Variants in RASA2 observed in about 807,000 individuals in gnomAD.
The protein encoded by RASA2 is RAS p21 protein activator 2.
Under a neutral mutation model 118.2 loss-of-function variants are expected in RASA2, and 155 were observed. That is an observed-to-expected ratio of 1.31 (90% CI 1.15 to 1.50). The LOEUF is 1.50. RASA2 is among the 40% of genes most tolerant of loss of function. The pLI, the probability that RASA2 is intolerant of heterozygous loss-of-function variation, is 0.00. For missense variants in RASA2, 1,016 were observed against 1,009.6 expected, an observed-to-expected ratio of 1.01 and a Z score of -0.09; for synonymous variants, 353 against 349.1, an observed-to-expected ratio of 1.01 and a Z score of -0.12.
chr3:141,597,978 C>G (rs1000376730), intron 19 of RASA2, among the ~76,000 whole-genome samples: 3 of 152,090 alleles, frequency 2.0e-5, no homozygotes, highest in African/African-American at 7.2e-5. Flanking sequence ...GGACAAATTT[C>G]TTGGAAAACA....
At chr3:141,522,245 C>T (rs2082121812) in intron 3 of RASA2, among the ~76,000 whole-genome samples, 1 of 152,064 alleles carries the variant, frequency 6.6e-6, no homozygotes, top group Non-Finnish European at 1.5e-5. Context: ...AATCAGGATC[C>T]AGATTCTAAC....
chr3:141,551,867 A>G (rs934829878), intron 5 of RASA2, among the ~76,000 whole-genome samples: 2 of 152,236 alleles, frequency 1.3e-5, no homozygotes, highest in African/African-American at 2.4e-5. Flanking sequence ...TATGTCACAT[A>G]TAAATAAAAT....
At chr3:141,536,256 G>C (rs2082323698) in intron 4 of RASA2, among the ~76,000 whole-genome samples, 2 of 152,166 alleles carry the variant, frequency 1.3e-5, no homozygotes, top group Non-Finnish European at 2.9e-5. Context: ...AAAAGAAAAT[G>C]AGAGAGAAGC....
intron 23 of RASA2, among the ~76,000 whole-genome samples, chr3:141,610,381 TA>T (rs1283048990): frequency 5.9e-5 from 6 of 102,458 alleles, no homozygotes; most frequent in Middle Eastern, 4.8e-3. Context: ...TATATTTATA[TA>T]TTATATATTT....
At chr3:141,493,761 C>A (rs2081665697) in intron 1 of RASA2, among the ~76,000 whole-genome samples, 1 of 151,820 alleles carries the variant, frequency 6.6e-6, no homozygotes, top group Non-Finnish European at 1.5e-5. Context: ...AAAAGTATTC[C>A]TTCCTTTCAT....
intron 9 of RASA2, among the ~76,000 whole-genome samples, chr3:141,561,597 T>C (rs2082730710): frequency 6.6e-6 from 1 of 152,220 alleles, no homozygotes; most frequent in African/African-American, 2.4e-5. Flanking sequence ...ATAAAACTCT[T>C]AACCTCCTCC....
intron 19 of RASA2, among the ~76,000 whole-genome samples, chr3:141,593,789 TAAAC>T (rs1189052778): frequency 6.6e-6 from 1 of 152,178 alleles, no homozygotes; most frequent in Non-Finnish European, 1.5e-5. Flanking sequence ...AAGTATAGTA[TAAAC>T]AAAGTATAAA....
At chr3:141,502,677 C>T (rs1333157022) in intron 1 of RASA2, among the ~76,000 whole-genome samples, 4 of 152,076 alleles carry the variant, frequency 2.6e-5, no homozygotes, top group African/African-American at 7.2e-5. Flanking sequence ...TATATGAAGT[C>T]AATGAAAAAT....
At chr3:141,507,786 A>T (rs895187829) in intron 1 of RASA2, among the ~76,000 whole-genome samples, 2 of 152,172 alleles carry the variant, frequency 1.3e-5, no homozygotes, top group Non-Finnish European at 2.9e-5. Context: ...ACCCAAACTC[A>T]ACCTCCCTTC....
chr3:141,590,035 A>G (rs1218421141), intron 19 of RASA2: 2 of 434,780 alleles, frequency 4.6e-6, no homozygotes, highest in South Asian at 3.3e-5. Context: ...CTTATTTACC[A>G]AAGCCTGCAG....
intron 5 of RASA2, among the ~76,000 whole-genome samples, chr3:141,542,868 A>T (rs2082425806): frequency 6.6e-6 from 1 of 152,130 alleles, no homozygotes; most frequent in Non-Finnish European, 1.5e-5. Flanking sequence ...ATGTGAATGG[A>T]ATCTTATAAT....
chr3:141,531,426 G>A, intron 4 of RASA2, among the ~76,000 whole-genome samples: 1 of 150,946 alleles, frequency 6.6e-6, no homozygotes, highest in African/African-American at 2.4e-5. Context: ...ATATGTGTGT[G>A]TATATATATA....
chr3:141,570,644 A>G (rs116215124), intron 9 of RASA2, among the ~76,000 whole-genome samples: 2,060 of 152,308 alleles, frequency 0.014, 29 homozygotes, highest in Middle Eastern at 0.024. Context: ...CAAGCTAATC[A>G]AACTCTTGTT....
intron 6 of RASA2, among the ~76,000 whole-genome samples, chr3:141,554,564 C>T (rs1375062309): frequency 6.6e-6 from 1 of 152,150 alleles, no homozygotes; most frequent in African/African-American, 2.4e-5. Context: ...ACTGACACAT[C>T]TGAAATATGT....
intron 5 of RASA2, among the ~76,000 whole-genome samples, chr3:141,546,556 G>T (rs2082488678): frequency 6.6e-6 from 1 of 152,130 alleles, no homozygotes; most frequent in South Asian, 2.1e-4. Flanking sequence ...TTTTCCCGTA[G>T]AGTTGTTTGA....
rs1036597389 is a variant in RASA2, at chr3:141,612,648, A to G, written c.*335A>G. 5 of 224,070 alleles carry G rather than the reference A, an allele frequency of 2.2e-5. No homozygotes were observed. The highest frequency in any genetic ancestry group is 1.2e-4 in the African/African-American group (5 of 42,506). 13.9% of individuals were successfully genotyped at this position (224,070 alleles called of 1,614,324 possible). On this transcript the variant is annotated 3_prime_UTR_variant, in exon 24 of 24. Transcript: ENST00000286364. Reference sequence around the variant, plus strand: ...GCAAGAAACCATCTCTTCTTGTAACACTCTGTTCTGTGGACTTGTTTTCAC... The same window carrying G: ...GCAAGAAACCATCTCTTCTTGTAACGCTCTGTTCTGTGGACTTGTTTTCAC...
chr3:141,511,889 G>C (rs1336836439), intron 1 of RASA2, among the ~76,000 whole-genome samples: 1 of 152,124 alleles, frequency 6.6e-6, no homozygotes. Context: ...GGTGGAATGG[G>C]ATAGAGAGCA....
At chr3:141,530,369 G>T (rs1474563936) in intron 4 of RASA2, among the ~76,000 whole-genome samples, 1 of 151,914 alleles carries the variant, frequency 6.6e-6, no homozygotes, top group African/African-American at 2.4e-5. Flanking sequence ...CAGATTCTGA[G>T]TAAAGATGTG....
intron 5 of RASA2, among the ~76,000 whole-genome samples, chr3:141,545,833 T>C (rs2082477051): frequency 6.6e-6 from 1 of 152,158 alleles, no homozygotes. Flanking sequence ...TTATCCATTA[T>C]ATCTAACTAT....
Sources: gnomAD v4.1 joint callset for allele counts (sites outside exome capture counted in the v4.1 genomes callset) on GRCh38, gnomAD v4.1.1 for gene constraint, MANE v1.5 for transcripts, NCBI Gene and HGNC (gene_info 2026-07-23, HGNC 2026-07-21) for gene names.